SESTD1: variants seen among roughly 807,000 people sequenced by gnomAD.
The protein encoded by SESTD1 is SEC14 and spectrin domain containing 1.
SESTD1 carries 43 observed loss-of-function variants against 101.7 expected under a neutral mutation model. The observed-to-expected ratio is 0.42, with a 90% confidence interval of 0.33 to 0.55. The LOEUF (loss-of-function observed/expected upper bound fraction) is 0.55. Among genes scored for constraint, SESTD1 ranks in the 20% least tolerant of loss-of-function variants. The probability of loss-of-function intolerance (pLI) is 0.07; values close to 1 mark genes in which losing one functional copy is unlikely to be tolerated. For missense variants in SESTD1, 647 were observed against 815.1 expected, an observed-to-expected ratio of 0.79 and a Z score of 2.51; for synonymous variants, 283 against 286.8, an observed-to-expected ratio of 0.99 and a Z score of 0.13.
At chr2:179,154,538 C>A (rs780263255) in intron 5 of SESTD1, among the ~76,000 whole-genome samples, 2 of 152,066 alleles carry the variant, frequency 1.3e-5, no homozygotes, top group African/African-American at 4.8e-5. Flanking sequence ...AAAAAGACAA[C>A]TATTACAAAT....
In SESTD1 at chr2:179,115,192, C is replaced by T. The variant is rs2044601251; in HGVS notation, c.1712G>A (p.Cys571Tyr). 1 of 1,613,682 alleles carries T rather than the reference C, an allele frequency of 6.2e-7. No homozygotes were observed. Residue 571 changes from cysteine to tyrosine, a missense_variant, in exon 16 of 18, where the codon TGC becomes TAC. This residue lies in a region of SESTD1 where 476 missense variants were observed against 562.6 expected (regional missense o/e 0.85). Coordinates refer to ENST00000428443, the MANE Select transcript of SESTD1 (RefSeq NM_178123.5). Reference sequence around the variant, plus strand: ...TGTATCCCCAGATGACCGAGAAGTGCAGCGCAAAGATTGGCATAACACAAC... The same window carrying T: ...TGTATCCCCAGATGACCGAGAAGTGTAGCGCAAAGATTGGCATAACACAAC... ...ATVVLCQSLR[C>Y]TSRSSGDTLP...
At position 179,264,765 on chromosome 2, in the gene SESTD1, T is replaced by C. The variant is rs2047539302; in HGVS notation, c.-292A>G. On this transcript the variant is annotated 5_prime_UTR_variant, in exon 1 of 18. Coordinates refer to ENST00000428443, the MANE Select transcript of SESTD1 (RefSeq NM_178123.5). ...CTCGGCACCCGCGGCCCGAGCCGCG[T>C]CCGCGCGACCCCGCGCGCGCCCGGG... The C allele has an allele frequency of 6.6e-6, 1 of 151,018 alleles. No homozygotes were observed. Among genetic ancestry groups the C allele is most frequent in the Non-Finnish European group, 1.5e-5 (1 of 67,454 alleles). The allele number at this position is 151,018 out of a possible 1,614,324, so 9.4% of individuals were successfully genotyped here.
intron 2 of SESTD1, among the ~76,000 whole-genome samples, chr2:179,183,906 T>G (rs1345179970): frequency 5.4e-3 from 532 of 98,610 alleles, no homozygotes; most frequent in African/African-American, 7.3e-3. Context: ...GGAAGGGAGG[T>G]AGGGAGGGAG....
chr2:179,118,309 T>G (rs2044678186), intron 13 of SESTD1, among the ~76,000 whole-genome samples: 1 of 152,208 alleles, frequency 6.6e-6, no homozygotes, highest in Admixed American at 6.5e-5. Flanking sequence ...TTCAAATTAT[T>G]TTTTTAATCT....
At position 179,264,514 on chromosome 2, in the gene SESTD1, G is replaced by C. The variant is rs1377723828; in HGVS notation, c.-41C>G. ...CCACACTCACCTGGCTGGCGCTGAC[G>C]CTAGCGGCCGGCGGCTCCGGGGCGT... On this transcript the variant is annotated 5_prime_UTR_variant, in exon 1 of 18. Coordinates refer to ENST00000428443, the MANE Select transcript of SESTD1 (RefSeq NM_178123.5). The C allele has an allele frequency of 6.6e-6, 1 of 150,906 alleles. No homozygotes were observed. Among genetic ancestry groups the C allele is most frequent in the African/African-American group, 2.4e-5 (1 of 41,172 alleles). The allele number at this position is 150,906 out of a possible 1,614,324, so 9.3% of individuals were successfully genotyped here. A position where few individuals can be genotyped will look rare whatever the true frequency, so the allele number is the denominator to read the frequency against.
chr2:179,128,727 C>CAAAAA (rs747412908), intron 10 of SESTD1, among the ~76,000 whole-genome samples: 7 of 73,688 alleles, frequency 9.5e-5, no homozygotes, highest in African/African-American at 5.3e-5. Context: ...GACACTGTCT[C>CAAAAA]AAAAAAAAAA....
At chr2:179,223,803 T>C (rs1412930084) in intron 1 of SESTD1, among the ~76,000 whole-genome samples, 1 of 152,198 alleles carries the variant, frequency 6.6e-6, no homozygotes, top group African/African-American at 2.4e-5. Flanking sequence ...TGTTCATAGA[T>C]TGTCCAAACT....
chr2:179,256,906 C>T (rs926367382), intron 1 of SESTD1, among the ~76,000 whole-genome samples: 3 of 150,946 alleles, frequency 2.0e-5, no homozygotes, highest in African/African-American at 4.9e-5. Flanking sequence ...TCCTAGTGAA[C>T]GTGCCATAAA....
chr2:179,143,869 T>G, intron 8 of SESTD1, 66 bp from the exon 9 acceptor site: 2 of 1,528,138 alleles, frequency 1.3e-6, no homozygotes, highest in Non-Finnish European at 1.8e-6. Flanking sequence ...TTCTCAATAT[T>G]CCCAATTCTA....
intron 1 of SESTD1, among the ~76,000 whole-genome samples, chr2:179,227,616 A>C (rs1356128553): frequency 6.6e-6 from 1 of 152,230 alleles, no homozygotes; most frequent in Non-Finnish European, 1.5e-5. Context: ...AACTATGATA[A>C]TTGTTTCCTT....
chr2:179,114,928 TA>T, intron 16 of SESTD1, 136 bp downstream of exon 16: 2 of 771,230 alleles, frequency 2.6e-6, no homozygotes, highest in Non-Finnish European at 4.0e-6. Context: ...GTATTATATC[TA>T]AACAAACCGT....
chr2:179,134,482 A>G (rs1218672298), intron 9 of SESTD1, among the ~76,000 whole-genome samples: 1 of 152,222 alleles, frequency 6.6e-6, no homozygotes, highest in African/African-American at 2.4e-5. Context: ...ACTGCCTCAA[A>G]TAACTATTGT....
At chr2:179,233,657 T>C (rs576413555) in intron 1 of SESTD1, among the ~76,000 whole-genome samples, 2 of 152,194 alleles carry the variant, frequency 1.3e-5, no homozygotes, top group African/African-American at 4.8e-5. Flanking sequence ...TTTCACCATG[T>C]TGGCCAGGCT....
chr2:179,146,466 C>T lies in SESTD1; in HGVS notation c.582-9G>A, dbSNP rs2045397970. 1.2e-6 allele frequency: 2 copies of T among 1,609,092 alleles called. No homozygotes were observed. The highest frequency in any genetic ancestry group is 1.7e-6 in the Non-Finnish European group (2 of 1,178,162). The stretch of plus-strand genomic sequence containing the variant: ...AGTTTAAATCCACAGACCTGGAAAA[C>T]ACCAAAGGAGTAATTTTCAAAAGGC... On this transcript the variant is annotated splice_polypyrimidine_tract_variant and intron_variant, in intron 7 of 17. Transcript: ENST00000428443.
At chr2:179,217,304 C>G (rs112798672) in intron 1 of SESTD1, among the ~76,000 whole-genome samples, 8,529 of 152,074 alleles carry the variant, frequency 0.056, 304 homozygotes, top group South Asian at 0.11. Flanking sequence ...ACAACCCCAT[C>G]AAAAAGTGGG....
chr2:179,258,347 A>C (rs114072913), intron 1 of SESTD1, among the ~76,000 whole-genome samples: 1,758 of 152,322 alleles, frequency 0.012, 32 homozygotes, highest in African/African-American at 0.037. Flanking sequence ...ACCTCTCAAA[A>C]GCATTTTGTT....
At chr2:179,179,266 T>G (rs1258816191) in intron 3 of SESTD1, among the ~76,000 whole-genome samples, 5 of 152,140 alleles carry the variant, frequency 3.3e-5, no homozygotes, top group Non-Finnish European at 7.4e-5. Context: ...CTATAGCCAC[T>G]GTTAGCATGT....
intron 4 of SESTD1, among the ~76,000 whole-genome samples, chr2:179,173,099 C>T (rs1044970281): frequency 6.6e-6 from 1 of 152,200 alleles, no homozygotes; most frequent in African/African-American, 2.4e-5. Context: ...CTCGCTGCTC[C>T]TGCAATATGA....
At chr2:179,221,226 C>T (rs1170712462) in intron 1 of SESTD1, among the ~76,000 whole-genome samples, 1 of 151,524 alleles carries the variant, frequency 6.6e-6, no homozygotes, top group Non-Finnish European at 1.5e-5. Context: ...TGGAATATTG[C>T]TTTAAAATGG....
Sources: gnomAD v4.1 joint callset for allele counts (sites outside exome capture counted in the v4.1 genomes callset) on GRCh38, gnomAD v4.1.1 for gene constraint, gnomAD v4.1.1 regional missense constraint, MANE v1.5 for transcripts, NCBI Gene and HGNC (gene_info 2026-07-23, HGNC 2026-07-21) for gene names.